Variants in CRACD observed in about 807,000 individuals in gnomAD.
CRACD encodes the protein capping protein inhibiting regulator of actin dynamics.
CRACD carries 56 observed loss-of-function variants against 106.8 expected under a neutral mutation model. The observed-to-expected ratio is 0.52, with a 90% confidence interval of 0.42 to 0.66. CRACD has a LOEUF of 0.66. CRACD is among the 30% of genes least tolerant of loss of function. CRACD has a pLI of 0.00. For missense variants in CRACD, 1,730 were observed against 1,623.2 expected, an observed-to-expected ratio of 1.07 and a Z score of -1.13; for synonymous variants, 754 against 670.8, an observed-to-expected ratio of 1.12 and a Z score of -1.92.
At chr4:56,145,405 T>C (rs1735347526) in intron 1 of CRACD, among the ~76,000 whole-genome samples, 1 of 152,078 alleles carries the variant, frequency 6.6e-6, no homozygotes, top group Non-Finnish European at 1.5e-5. Context: ...TAAACTAATA[T>C]GCATTATGAG....
At chr4:56,183,239 A>ATAATAAAATAAAAT (rs1176681550) in intron 2 of CRACD, among the ~76,000 whole-genome samples, 4 of 103,060 alleles carry the variant, frequency 3.9e-5, no homozygotes, top group African/African-American at 1.8e-4. Context: ...GTCTCAAAAA[A>ATAATAAAATAAAAT]TAAAATAAAA....
At chr4:56,162,299 A>T (rs1423315894) in intron 1 of CRACD, among the ~76,000 whole-genome samples, 4 of 151,910 alleles carry the variant, frequency 2.6e-5, no homozygotes, top group Non-Finnish European at 5.9e-5. Flanking sequence ...GGCTCAAGGG[A>T]TTCTCCCGCC....
chr4:56,314,393 G>A lies in CRACD; in HGVS notation c.891G>A (p.Ala297=), dbSNP rs1291007184. 1.9e-6 allele frequency: 3 copies of A among 1,546,678 alleles called. No homozygotes were observed. Among genetic ancestry groups the A allele is most frequent in the Admixed American group, 2.0e-5 (1 of 50,266 alleles). ...AAGAGCAGCAGCGGAGCCTGGAAGC[G>A]CCAGGTTGGGAGGACGCGGAGCGGA... ...PREEQQRSLE[A]PGWEDAERRE... The change falls in exon 8 of 11, where the codon GCG becomes GCA. Residue 297 remains alanine (A), a synonymous_variant. Coordinates refer to ENST00000682029, the MANE Select transcript of CRACD (RefSeq NM_001393381.1). This position sits in a 1 kb window ranked among gnomAD's most constrained non-coding sequence, Gnocchi z 4.4.
At chr4:56,223,203 C>T (rs1739139032) in intron 2 of CRACD, among the ~76,000 whole-genome samples, 1 of 142,916 alleles carries the variant, frequency 7.0e-6, no homozygotes, top group South Asian at 2.3e-4. Context: ...ATCTCTTTTT[C>T]GTTTTTCTTG....
At chr4:56,077,981 C>CT (rs1426936789) in intron 1 of CRACD, among the ~76,000 whole-genome samples, 4 of 152,050 alleles carry the variant, frequency 2.6e-5, no homozygotes, top group South Asian at 2.1e-4. Flanking sequence ...GAAAGGAGTA[C>CT]ATAAAGGCAC....
At chr4:56,251,904 A>T (rs1020667242) in intron 2 of CRACD, among the ~76,000 whole-genome samples, 9 of 152,204 alleles carry the variant, frequency 5.9e-5, no homozygotes, top group African/African-American at 2.2e-4. Flanking sequence ...CTTGATCAGT[A>T]TTTCTCAAAT....
At chr4:56,232,127 T>C (rs1046640565) in intron 2 of CRACD, among the ~76,000 whole-genome samples, 1 of 152,170 alleles carries the variant, frequency 6.6e-6, no homozygotes, top group African/African-American at 2.4e-5. Context: ...GTGTTTCTGC[T>C]CCCCTATTCA....
chr4:56,267,364 C>T (rs561076911), intron 2 of CRACD, among the ~76,000 whole-genome samples: 19 of 152,226 alleles, frequency 1.2e-4, no homozygotes, highest in South Asian at 4.2e-4. Flanking sequence ...CCTCGTGATC[C>T]GCCTGCCTCA....
intron 2 of CRACD, among the ~76,000 whole-genome samples, chr4:56,269,909 A>T (rs1742249626): frequency 1.3e-5 from 2 of 152,200 alleles, no homozygotes; most frequent in South Asian, 2.1e-4. Flanking sequence ...CAACATCCAA[A>T]CTATATCACA....
intron 1 of CRACD, among the ~76,000 whole-genome samples, chr4:56,076,919 T>TA (rs1732859387): frequency 1.3e-5 from 2 of 152,224 alleles, no homozygotes; most frequent in South Asian, 2.1e-4. Context: ...GGTTTTTTTT[T>TA]AAACACCTAA....
intron 1 of CRACD, among the ~76,000 whole-genome samples, chr4:56,078,872 A>G (rs11934389): frequency 0.4 from 60,949 of 152,054 alleles, 13,906 homozygotes; most frequent in African/African-American, 0.63. Flanking sequence ...GAGAGAGTTC[A>G]CCCTGGAGGC....
chr4:56,117,518 G>C (rs73164280), intron 1 of CRACD, among the ~76,000 whole-genome samples: 1 of 152,050 alleles, frequency 6.6e-6, no homozygotes, highest in African/African-American at 2.4e-5. Flanking sequence ...GCCAGAGGAG[G>C]GGGTGGGGGG....
Position 56,104,081 on chromosome 4 carries a change from A to G in CRACD, c.-336+54782A>G, listed in dbSNP as rs539578624. Among the ~76,000 whole-genome samples, 3 of 152,258 alleles carry G rather than the reference A, an allele frequency of 2.0e-5. No homozygotes were observed. In the East Asian group the frequency reaches 5.8e-4, roughly 29 times the overall value. Reference sequence around the variant, plus strand: ...GAGCCACTGTGCCCAGCCCGTTGTTATTATTCTTAATTCACTATCGAAAAA... The same window carrying G: ...GAGCCACTGTGCCCAGCCCGTTGTTGTTATTCTTAATTCACTATCGAAAAA... On this transcript the variant is annotated intron_variant, in intron 1 of 10. Coordinates refer to ENST00000682029, the MANE Select transcript of CRACD (RefSeq NM_001393381.1).
At chr4:56,227,680 A>C (rs1362493182) in intron 2 of CRACD, among the ~76,000 whole-genome samples, 1 of 152,234 alleles carries the variant, frequency 6.6e-6, no homozygotes, top group Non-Finnish European at 1.5e-5. Flanking sequence ...GGCAGGGCTT[A>C]AACAAATGGG....
At chr4:56,293,540 T>C (rs1743816845) in intron 3 of CRACD, among the ~76,000 whole-genome samples, 1 of 152,336 alleles carries the variant, frequency 6.6e-6, no homozygotes, top group Non-Finnish European at 1.5e-5. Flanking sequence ...AGAGGTTTAA[T>C]TGGCCGTGAT....
chr4:56,074,778 A>G (rs1008682038), intron 1 of CRACD, among the ~76,000 whole-genome samples: 2 of 152,130 alleles, frequency 1.3e-5, no homozygotes, highest in African/African-American at 4.8e-5. Context: ...TTCAAAGGGA[A>G]TGGTTCCAGT....
At chr4:56,175,395 G>A (rs1263143425) in intron 1 of CRACD, among the ~76,000 whole-genome samples, 3 of 151,982 alleles carry the variant, frequency 2.0e-5, no homozygotes, top group African/African-American at 7.2e-5. Flanking sequence ...ATCTTATTGT[G>A]GTTTTTGATT....
rs777771925 is a variant in CRACD, at chr4:56,315,488, G to A, written c.1986G>A (p.Ala662=). 6.2e-7 allele frequency: 1 copy of A among 1,613,322 alleles called. No individual in the cohort carries two copies. The highest frequency in any genetic ancestry group is 8.5e-7 in the Non-Finnish European group (1 of 1,179,838). The change falls in exon 8 of 11, where the codon GCG becomes GCA. Residue 662 remains alanine (A), a synonymous_variant. Transcript: ENST00000682029. The surrounding 1 kb of genome is among the most constrained non-coding windows in gnomAD (Gnocchi z 4.1). ...CCCGCCAGGAGTCTCCCAGCAGCGC[G>A]TCCGCACTCGCAGAATGGGCTTCCA... The part of the protein sequence containing the change: ...AKPRQESPSS[A]SALAEWASIR...
intron 1 of CRACD, among the ~76,000 whole-genome samples, chr4:56,097,923 T>C (rs1399812621): frequency 6.6e-6 from 1 of 152,192 alleles, no homozygotes; most frequent in Admixed American, 6.5e-5. Context: ...TCTCCTGAAA[T>C]TGTTAATATT....
Sources: allele counts gnomAD v4.1 joint callset (sites outside exome capture counted in the v4.1 genomes callset), GRCh38; gene constraint gnomAD v4.1.1; non-coding constraint Gnocchi (gnomAD v3.1); transcripts MANE v1.5; gene names NCBI Gene and HGNC (gene_info 2026-07-23, HGNC 2026-07-21).